The following CYRIA variants were observed in gnomAD, a reference collection of about 807,000 sequenced individuals.
CYRIA encodes the protein CYFIP related Rac1 interactor A.
CYRIA carries 15 observed loss-of-function variants against 43.9 expected under a neutral mutation model. The observed-to-expected ratio is 0.34, with a 90% confidence interval of 0.23 to 0.53. CYRIA has a LOEUF of 0.53. Ranked by LOEUF, CYRIA falls within the 20% of genes least tolerant of loss-of-function variation. The probability of loss-of-function intolerance (pLI) is 0.94; values close to 1 mark genes in which losing one functional copy is unlikely to be tolerated. For missense variants in CYRIA, 236 were observed against 394.2 expected (o/e 0.60, Z 3.40); for synonymous variants, 117 against 136.0 (o/e 0.86, Z 0.97).
intron 2 of CYRIA, among the ~76,000 whole-genome samples, chr2:16,614,764 C>T (rs1304969677): frequency 6.6e-6 from 1 of 152,258 alleles, no homozygotes; most frequent in Non-Finnish European, 1.5e-5. Context: ...ACCCGGTCAC[C>T]TGCCACGTAG....
intron 2 of CYRIA, among the ~76,000 whole-genome samples, chr2:16,619,964 A>ACATTTCAT (rs754858622): frequency 1.3e-5 from 2 of 152,186 alleles, no homozygotes; most frequent in Non-Finnish European, 2.9e-5. Flanking sequence ...GGCAGAGAAC[A>ACATTTCAT]CATTTCATCC....
intron 1 of CYRIA, among the ~76,000 whole-genome samples, chr2:16,629,409 T>C (rs1669259935): frequency 6.6e-6 from 1 of 152,236 alleles, no homozygotes; most frequent in African/African-American, 2.4e-5. Context: ...AGGAAGAATC[T>C]GCTGTTCTTT....
At chr2:16,641,810 G>A (rs989937190) in intron 1 of CYRIA, among the ~76,000 whole-genome samples, 3 of 152,328 alleles carry the variant, frequency 2.0e-5, no homozygotes, top group South Asian at 2.1e-4. Flanking sequence ...GGTGGGCTGG[G>A]GGTGAGAGCA....
intron 3 of CYRIA, among the ~76,000 whole-genome samples, chr2:16,576,832 T>C (rs904920401): frequency 1.3e-5 from 2 of 152,068 alleles, no homozygotes; most frequent in Non-Finnish European, 2.9e-5. Context: ...TTATTCAGTC[T>C]TAAAAAAAGA....
chr2:16,577,119 C>T (rs1038257683), intron 3 of CYRIA, among the ~76,000 whole-genome samples: 2 of 152,114 alleles, frequency 1.3e-5, no homozygotes, highest in Admixed American at 1.3e-4. Context: ...GTTAAAAATA[C>T]TGTATTATAC....
At chr2:16,555,361 T>TA (rs5829555) in intron 10 of CYRIA, among the ~76,000 whole-genome samples, 29,483 of 151,962 alleles carry the variant, frequency 0.19, 5,207 homozygotes, top group East Asian at 0.72. Context: ...TTTCATACTA[T>TA]TTGCAATTGT....
intron 3 of CYRIA, among the ~76,000 whole-genome samples, chr2:16,570,380 T>C (rs150146154): frequency 5.4e-4 from 82 of 152,318 alleles, no homozygotes; most frequent in African/African-American, 1.9e-3. Context: ...CCTGAATGTC[T>C]CACCAGTGTG....
intron 2 of CYRIA, among the ~76,000 whole-genome samples, chr2:16,612,918 C>G (rs1321504458): frequency 6.6e-6 from 1 of 152,182 alleles, no homozygotes; most frequent in Non-Finnish European, 1.5e-5. Context: ...CCATACTGTT[C>G]TCATGGTAGT....
chr2:16,608,988 T>C (rs1455517001), intron 2 of CYRIA, among the ~76,000 whole-genome samples: 1 of 152,100 alleles, frequency 6.6e-6, no homozygotes, highest in African/African-American at 2.4e-5. Flanking sequence ...ACAAGGCACA[T>C]GGGTCCACAG....
intron 3 of CYRIA, among the ~76,000 whole-genome samples, chr2:16,578,260 C>T (rs191499553): frequency 1.8e-3 from 281 of 152,252 alleles, no homozygotes; most frequent in African/African-American, 6.7e-3. Flanking sequence ...AGTGGACTGA[C>T]AGAAGAAAAG....
chr2:16,567,526 G>A (rs145643021), intron 3 of CYRIA, among the ~76,000 whole-genome samples: 285 of 152,202 alleles, frequency 1.9e-3, no homozygotes, highest in African/African-American at 6.8e-3. Context: ...TGCTGAGATC[G>A]GTGAGGAACT....
chr2:16,645,490 C>T (rs1669793549), intron 1 of CYRIA, among the ~76,000 whole-genome samples: 1 of 152,160 alleles, frequency 6.6e-6, no homozygotes, highest in Admixed American at 6.5e-5. Context: ...ATGTAATAGA[C>T]ATTTTAAAAT....
intron 4 of CYRIA, 112 bp from the exon 5 acceptor site, chr2:16,564,206 C>A: frequency 1.4e-6 from 1 of 730,572 alleles, no homozygotes. Context: ...CTGATGTATA[C>A]TACTTAAATC....
At position 16,549,481 on chromosome 2, in the gene CYRIA, T is replaced by G. The variant is rs1054115702; in HGVS notation, c.*3455A>C. The G allele has an allele frequency of 7.9e-5, 12 of 152,046 alleles. No homozygotes were observed. The highest frequency in any genetic ancestry group is 1.5e-4 in the Non-Finnish European group (10 of 68,000). The allele number at this position is 152,046 out of a possible 1,614,324, so 9.4% of individuals were successfully genotyped here. A position where few individuals can be genotyped will look rare whatever the true frequency, so the allele number is the denominator to read the frequency against. On this transcript the variant is annotated 3_prime_UTR_variant, in exon 12 of 12. Coordinates refer to ENST00000381323, the MANE Select transcript of CYRIA (RefSeq NM_030797.4). ...GCATTTTTAAATATATGTACCAAACTTTAATTTTCATTTCACACTCAAAAC... is the reference window on the plus strand; with the variant it reads ...GCATTTTTAAATATATGTACCAAACGTTAATTTTCATTTCACACTCAAAAC...
chr2:16,605,284 C>A (rs1282822619), intron 2 of CYRIA, among the ~76,000 whole-genome samples: 3 of 152,146 alleles, frequency 2.0e-5, no homozygotes, highest in African/African-American at 7.2e-5. Flanking sequence ...AAAAAGTACC[C>A]AAGAAATGAG....
rs1666901551 is a variant in CYRIA, at chr2:16,565,641, C to T, written c.192+5G>A. Reference sequence around the variant, plus strand: ...GTTGTCAGTTCAGCGTGATCATTGACATACATCTCGGATCTCTGGGCCTGC... The same window carrying T: ...GTTGTCAGTTCAGCGTGATCATTGATATACATCTCGGATCTCTGGGCCTGC... On this transcript the variant is annotated splice_donor_5th_base_variant and intron_variant, in intron 4 of 11. Coordinates refer to ENST00000381323, the MANE Select transcript of CYRIA (RefSeq NM_030797.4). 6.4e-7 allele frequency: 1 copy of T among 1,555,766 alleles called. No individual in the cohort carries two copies. Among genetic ancestry groups the T allele is most frequent in the Non-Finnish European group, 8.8e-7 (1 of 1,138,574 alleles).
intron 10 of CYRIA, among the ~76,000 whole-genome samples, 182 bp from the exon 11 acceptor site, chr2:16,555,321 G>A (rs1666467778): frequency 6.6e-6 from 1 of 151,972 alleles, no homozygotes; most frequent in Admixed American, 6.5e-5. Flanking sequence ...GGCTTCTAGA[G>A]GATTCTGTAT....
chr2:16,585,666 AT>A (rs1376748730), intron 3 of CYRIA, among the ~76,000 whole-genome samples: 2 of 152,280 alleles, frequency 1.3e-5, no homozygotes, highest in South Asian at 2.1e-4. Context: ...TATCATCAAA[AT>A]TTGAGACTTC....
At chr2:16,627,668 A>G (rs1669212959) in intron 1 of CYRIA, among the ~76,000 whole-genome samples, 1 of 152,234 alleles carries the variant, frequency 6.6e-6, no homozygotes, top group South Asian at 2.1e-4. Flanking sequence ...GGAAAGAAAG[A>G]GAATAAAGCA....
Sources: gnomAD v4.1 joint callset for allele counts (sites outside exome capture counted in the v4.1 genomes callset) on GRCh38, gnomAD v4.1.1 for gene constraint, MANE v1.5 for transcripts, NCBI Gene and HGNC (gene_info 2026-07-23, HGNC 2026-07-21) for gene names.